Variants in PIEZO2 observed in about 807,000 individuals in gnomAD.
PIEZO2 encodes piezo type mechanosensitive ion channel component 2.
PIEZO2 carries 172 observed loss-of-function variants against 337.3 expected under a neutral mutation model. That is an observed-to-expected ratio of 0.51 (90% confidence interval 0.45 to 0.58). PIEZO2 has a LOEUF of 0.58. PIEZO2 is among the 20% of genes least tolerant of loss of function. The pLI is 0.00. For missense variants in PIEZO2, 3,028 were observed against 3,391.3 expected (o/e 0.89, Z 2.66); for synonymous variants, 1,251 against 1,228.5 (o/e 1.02, Z -0.38).
rs1598999166 is a variant in PIEZO2, at chr18:11,126,416, C to G, written c.64+22109G>C. Among the ~76,000 whole-genome samples the G allele has an allele frequency of 1.3e-5, 2 of 152,298 alleles. No homozygotes were observed. Among genetic ancestry groups the G allele is most frequent in the East Asian group, 3.9e-4 (2 of 5,176 alleles). On this transcript the variant is annotated intron_variant, in intron 1 of 55. Coordinates refer to ENST00000674853, the MANE Select transcript of PIEZO2 (RefSeq NM_001378183.1). The surrounding 1 kb of genome is among the most constrained non-coding windows in gnomAD (Gnocchi z 4.6). The stretch of plus-strand genomic sequence containing the variant: ...CCACAGTGATGACTGTTCCATCTTA[C>G]TGTCCCCTAGGCCTGGTAAAGGGCA...
In PIEZO2 at chr18:10,671,534, G is replaced by T; in HGVS notation, c.8591C>A (p.Thr2864Lys). 6.2e-7 allele frequency: 1 copy of T among 1,607,746 alleles called. No homozygotes were observed. Among genetic ancestry groups the T allele is most frequent in the Non-Finnish European group, 8.5e-7 (1 of 1,177,338 alleles). ...ETMIKWTREK[T>K]N Reference sequence around the variant, plus strand: ...AGTCTGTGTTCTAAGGTTTCAATTTGTTTTTTCTCTAGTCCATTTGATCAT... The same window carrying T: ...AGTCTGTGTTCTAAGGTTTCAATTTTTTTTTTCTCTAGTCCATTTGATCAT... Residue 2864 changes from threonine to lysine, a missense_variant, in exon 56 of 56, where the codon ACA (threonine) becomes AAA (lysine). Around this residue, in one of 5 missense-constraint regions of PIEZO2, gnomAD observed 332 missense variants for 363.8 expected, o/e 0.91. Coordinates refer to ENST00000674853, the MANE Select transcript of PIEZO2 (RefSeq NM_001378183.1).
intron 3 of PIEZO2, among the ~76,000 whole-genome samples, chr18:10,912,635 C>T (rs534028954): frequency 3.2e-4 from 49 of 152,136 alleles, no homozygotes; most frequent in Non-Finnish European, 1.0e-4. Context: ...AGAACTCTGC[C>T]TCAAAGGCTT....
chr18:11,114,799 G>T (rs1377435327), intron 1 of PIEZO2, among the ~76,000 whole-genome samples: 1 of 152,154 alleles, frequency 6.6e-6, no homozygotes, highest in Non-Finnish European at 1.5e-5. Flanking sequence ...TTACCACCAA[G>T]AGTAAGATAA....
intron 2 of PIEZO2, among the ~76,000 whole-genome samples, chr18:11,007,992 T>G (rs1400714733): frequency 1.3e-5 from 2 of 152,098 alleles, no homozygotes; most frequent in East Asian, 3.9e-4. Context: ...TCAGGCAGAG[T>G]CCTACTGGCT....
chr18:11,008,483 A>C lies in PIEZO2; in HGVS notation c.161-28823T>G, dbSNP rs534272939. ...GTCGTGGACCACCAACGACTTTCCCAGTTCCCAGATTGCTTGCCTGTGTGA... is the reference window on the plus strand; with the variant it reads ...GTCGTGGACCACCAACGACTTTCCCCGTTCCCAGATTGCTTGCCTGTGTGA... On this transcript the variant is annotated intron_variant, in intron 2 of 55. Transcript: ENST00000674853. 1.0e-3 allele frequency among the ~76,000 whole-genome samples: 152 copies of C among 152,266 alleles called. 1 individual carries two copies. The highest frequency in any genetic ancestry group is 3.4e-3 in the African/African-American group (142 of 41,546).
intron 1 of PIEZO2, among the ~76,000 whole-genome samples, chr18:11,124,520 A>G (rs2040126937): frequency 6.6e-6 from 1 of 152,226 alleles, no homozygotes; most frequent in African/African-American, 2.4e-5. Flanking sequence ...CCGAATGGTC[A>G]GCACCTTAAA....
At chr18:11,071,116 A>G (rs866601668) in intron 1 of PIEZO2, among the ~76,000 whole-genome samples, 1 of 152,218 alleles carries the variant, frequency 6.6e-6, no homozygotes, top group Admixed American at 6.5e-5. Context: ...ATCGAAAAGA[A>G]GTTCTTTTTA....
Position 10,697,338 on chromosome 18 carries a change from G to C in PIEZO2, c.6827+410C>G, listed in dbSNP as rs182912913. Among the ~76,000 whole-genome samples the C allele has an allele frequency of 1.3e-3, 202 of 152,258 alleles. 1 individual carries two copies. Among genetic ancestry groups the C allele is most frequent in the Admixed American group, 0.011 (168 of 15,288 alleles). The stretch of plus-strand genomic sequence containing the variant: ...GACCTGTGTAGTGTGCTGGGTAACA[G>C]GTGTATGACCATGGACAAAGCATTT... On this transcript the variant is annotated intron_variant, in intron 45 of 55. Transcript: ENST00000674853.
rs557559620 is a variant in PIEZO2, at chr18:10,733,272, T to C, written c.4915-1751A>G. Among the ~76,000 whole-genome samples, 14 of 152,102 alleles carry C rather than the reference T, an allele frequency of 9.2e-5. No individual in the cohort carries two copies. In the East Asian group the frequency reaches 2.3e-3, roughly 25 times the overall value. ...GGAAAACGGAGAGAGGAGGGAGTCA[T>C]AGGGTAATTCCTTATTTGTAGGTAA... On this transcript the variant is annotated intron_variant, in intron 35 of 55. Transcript: ENST00000674853.
rs781208543 is a variant in PIEZO2, at chr18:10,689,681, G to A, written c.7471C>T (p.Leu2491=). The A allele has an allele frequency of 1.9e-6, 3 of 1,614,088 alleles. No homozygotes were observed. Among genetic ancestry groups the A allele is most frequent in the Non-Finnish European group, 2.5e-6 (3 of 1,180,038 alleles). Residue 2491 remains leucine (L), a synonymous_variant, in exon 49 of 56, where the codon CTG becomes TTG. Transcript: ENST00000674853. ...VEDIYAHIFI[L]KCWRESEKRY... is the part of the protein sequence containing the mutation. ...TTCTCCGACTCCCGCCAACACTTCA[G>A]GATGAATATGTGAGCATAGATGTCC... is the stretch of plus-strand genomic sequence containing the variant.
intron 3 of PIEZO2, among the ~76,000 whole-genome samples, chr18:10,959,688 G>A (rs2145367630): frequency 6.6e-6 from 1 of 152,256 alleles, no homozygotes; most frequent in Admixed American, 6.5e-5. Flanking sequence ...TTGAGGAACA[G>A]TGAGTTGTCC....
chr18:11,012,267 A>G (rs1343585459), intron 2 of PIEZO2, among the ~76,000 whole-genome samples: 1 of 152,208 alleles, frequency 6.6e-6, no homozygotes, highest in Non-Finnish European at 1.5e-5. Context: ...GTATTTACCC[A>G]AAATGTCTGA....
intron 3 of PIEZO2, among the ~76,000 whole-genome samples, chr18:10,936,025 G>A (rs531330635): frequency 3.9e-5 from 6 of 152,316 alleles, no homozygotes; most frequent in Middle Eastern, 3.4e-3. Flanking sequence ...AGGGTCACAG[G>A]TTGGTATCTT....
rs541371269 is a variant in PIEZO2 at position 10,700,252 on chromosome 18, C to A, written c.6442-1075G>T. ...TTCTAATTATTTATCAAATATACAG[C>A]AATTTGTATGAAATAGGATGGTTTC... On this transcript the variant is annotated intron_variant, in intron 43 of 55. Coordinates refer to ENST00000674853, the MANE Select transcript of PIEZO2 (RefSeq NM_001378183.1). 1.2e-3 allele frequency among the ~76,000 whole-genome samples: 188 copies of A among 152,110 alleles called. 1 individual carries two copies. The highest frequency in any genetic ancestry group is 4.2e-3 in the African/African-American group (174 of 41,522).
Position 11,027,656 on chromosome 18 carries a change from G to T in PIEZO2, c.160+38471C>A, listed in dbSNP as rs1456729153. Among the ~76,000 whole-genome samples the T allele has an allele frequency of 2.0e-5, 3 of 152,230 alleles. No homozygotes were observed. The highest frequency in any genetic ancestry group is 1.5e-5 in the Non-Finnish European group (1 of 68,014). ...GGGTTGATGAACAAATGGGAGTTCG[G>T]TGGGGTTTAAGTTCCATTTGGGGTT... On this transcript the variant is annotated intron_variant, in intron 2 of 55. Coordinates refer to ENST00000674853, the MANE Select transcript of PIEZO2 (RefSeq NM_001378183.1). This position sits in a 1 kb window ranked among gnomAD's most constrained non-coding sequence, Gnocchi z 4.2.
At chr18:10,873,660 T>A (rs907213454) in intron 4 of PIEZO2, among the ~76,000 whole-genome samples, 10 of 152,158 alleles carry the variant, frequency 6.6e-5, no homozygotes, top group Admixed American at 2.6e-4. Context: ...AATAGAATGT[T>A]TCCACGTATT....
chr18:10,910,118 T>C (rs1361712734), intron 4 of PIEZO2, among the ~76,000 whole-genome samples: 3 of 152,200 alleles, frequency 2.0e-5, no homozygotes, highest in Non-Finnish European at 4.4e-5. Context: ...ACATTTTCAA[T>C]ATGGTAAAAA....
chr18:10,939,020 A>T (rs918037513), intron 3 of PIEZO2, among the ~76,000 whole-genome samples: 1 of 152,232 alleles, frequency 6.6e-6, no homozygotes, highest in African/African-American at 2.4e-5. Flanking sequence ...CCAGAGTGGC[A>T]GAAGTTACAG....
At chr18:10,693,723 TCACCATTCACTGG>T (rs1438742579) in intron 47 of PIEZO2, among the ~76,000 whole-genome samples, 1 of 151,566 alleles carries the variant, frequency 6.6e-6, no homozygotes, top group African/African-American at 2.4e-5. Flanking sequence ...GGATCTAGTA[TCACCATTCACTGG>T]CTGAATGACT....
Sources: allele counts gnomAD v4.1 joint callset (sites outside exome capture counted in the v4.1 genomes callset), GRCh38; gene constraint gnomAD v4.1.1; regional missense constraint gnomAD v4.1.1; non-coding constraint Gnocchi (gnomAD v3.1); transcripts MANE v1.5; gene names NCBI Gene and HGNC (gene_info 2026-07-23, HGNC 2026-07-21).